CFAP68: variants seen among roughly 807,000 people sequenced by gnomAD.
The protein encoded by CFAP68 is cilia- and flagella-associated protein 68.
the CFAP68 span, chr11:111,880,757 A>G: frequency 2.4e-5 from 11 of 456,120 alleles, no homozygotes; most frequent in African/African-American, 6.0e-5. Flanking sequence ...TTATAGACTC[A>G]CCTTGAATTA....
At chr11:111,880,357 C>G in the CFAP68 span, among the ~76,000 whole-genome samples, 1 of 152,302 alleles carries the variant, frequency 6.6e-6, no homozygotes, top group African/African-American at 2.4e-5. Flanking sequence ...AAGGCTAAGA[C>G]CTGGGCTGCA....
At chr11:111,880,079 T>C in the CFAP68 span, among the ~76,000 whole-genome samples, 8 of 152,314 alleles carry the variant, frequency 5.3e-5, no homozygotes, top group African/African-American at 1.9e-4. Context: ...AAATCAACTT[T>C]TATTTTACAA....
the CFAP68 span, chr11:111,883,289 T>C: frequency 8.6e-7 from 1 of 1,158,840 alleles, no homozygotes. Context: ...AAAAGTAAAC[T>C]GAATAGGTGA....
At chr11:111,881,621 A>G in the CFAP68 span, 4 of 1,531,190 alleles carry the variant, frequency 2.6e-6, no homozygotes, top group South Asian at 1.2e-5. Context: ...GAAAGGTATC[A>G]TCTTCCTAAG....
the CFAP68 span, chr11:111,883,303 AGT>A: frequency 9.3e-7 from 1 of 1,080,476 alleles, no homozygotes; most frequent in Non-Finnish European, 1.4e-6. Context: ...TAGGTGAATA[AGT>A]GAGGCTGGGC....
At chr11:111,883,969 T>C in the CFAP68 span, 1 of 993,628 alleles carries the variant, frequency 1.0e-6, no homozygotes, top group Non-Finnish European at 1.5e-6. Flanking sequence ...ACTTCACTTT[T>C]CCAGAGTGAA....
At chr11:111,882,454 GAAT>G in the CFAP68 span, 1 of 1,614,064 alleles carries the variant, frequency 6.2e-7, no homozygotes, top group Non-Finnish European at 8.5e-7. Context: ...GGACAGATTG[GAAT>G]AATATGTCCA....
At chr11:111,882,365 C>G in the CFAP68 span, 1 of 1,610,808 alleles carries the variant, frequency 6.2e-7, no homozygotes, top group East Asian at 2.2e-5. Context: ...TGTCTTTTCC[C>G]AGAGACAGAA....
At chr11:111,883,264 A>G in the CFAP68 span, 6 of 1,390,158 alleles carry the variant, frequency 4.3e-6, no homozygotes, top group Non-Finnish European at 6.0e-6. Flanking sequence ...ACCGGCACAT[A>G]GAAGGAACTC....
chr11:111,882,837 CTTCTGT>C, the CFAP68 span, among the ~76,000 whole-genome samples: 1 of 152,180 alleles, frequency 6.6e-6, no homozygotes, highest in African/African-American at 2.4e-5. Context: ...TTTTCTCTTA[CTTCTGT>C]TTGGACTTTA....
the CFAP68 span, chr11:111,880,774 G>A: frequency 2.2e-6 from 1 of 456,042 alleles, no homozygotes; most frequent in Non-Finnish European, 4.4e-6. Flanking sequence ...ATTATTTCTT[G>A]TGTCTCTTGG....
the CFAP68 span, chr11:111,884,087 C>T: frequency 2.2e-6 from 1 of 446,750 alleles, no homozygotes. Flanking sequence ...TTCTTTATCC[C>T]TTTTTTTGTT....
At chr11:111,879,625 T>C in the CFAP68 span, 1,789 of 1,608,724 alleles carry the variant, frequency 1.1e-3, 2 homozygotes, top group Admixed American at 2.8e-3. Flanking sequence ...TCTCCTATCT[T>C]CTATTCGTTC....
chr11:111,881,624 T>G, the CFAP68 span: 3 of 1,523,430 alleles, frequency 2.0e-6, no homozygotes, highest in South Asian at 3.7e-5. Flanking sequence ...AGGTATCATC[T>G]TCCTAAGTCA....
the CFAP68 span, chr11:111,885,305 C>G: frequency 2.0e-5 from 3 of 152,214 alleles, no homozygotes; most frequent in Non-Finnish European, 4.4e-5. Flanking sequence ...TAGCAAGACC[C>G]CATCTCTACC....
chr11:111,881,311 T>A, the CFAP68 span: 1 of 1,442,438 alleles, frequency 6.9e-7, no homozygotes, highest in Non-Finnish European at 9.1e-7. Context: ...GTAACATCAG[T>A]GCATGCATCT....
the CFAP68 span, chr11:111,883,052 T>G: frequency 2.6e-5 from 26 of 1,018,192 alleles, no homozygotes; most frequent in Non-Finnish European, 3.6e-5. Context: ...TGACAGTCCG[T>G]GAGAATTCAT....
chr11:111,879,560 A>C, the CFAP68 span: 3 of 1,614,060 alleles, frequency 1.9e-6, no homozygotes, highest in African/African-American at 2.7e-5. Flanking sequence ...CCTCGTCTGA[A>C]ATGGCTGCCT....
At chr11:111,879,983 GAA>G in the CFAP68 span, among the ~76,000 whole-genome samples, 4 of 152,304 alleles carry the variant, frequency 2.6e-5, no homozygotes, top group African/African-American at 4.8e-5. Context: ...GAGTTTGGCT[GAA>G]ACACAATTGG....
Sources: gnomAD v4.1 joint callset for allele counts (sites outside exome capture counted in the v4.1 genomes callset) on GRCh38, gnomAD v4.1.1 for gene constraint, MANE v1.5 for transcripts, NCBI Gene and HGNC (gene_info 2026-07-23, HGNC 2026-07-21) for gene names.